WWOX: variants seen among roughly 807,000 people sequenced by gnomAD.
The protein encoded by WWOX is WW domain-containing oxidoreductase.
In WWOX, 69 loss-of-function variants were observed where a neutral mutation model predicts 46.2. That is an observed-to-expected ratio of 1.49 (90% CI 1.23 to 1.82). The LOEUF (loss-of-function observed/expected upper bound fraction) is 1.82, where lower values mean the gene tolerates loss of function less well. WWOX is among the 40% of genes most tolerant of loss of function. The probability of loss-of-function intolerance (pLI) is 0.00; values close to 1 mark genes in which losing one functional copy is unlikely to be tolerated. For missense variants in WWOX, 919 were observed against 542.6 expected (o/e 1.69, Z -6.89); for synonymous variants, 359 against 202.6 (o/e 1.77, Z -6.56).
intron 8 of WWOX, among the ~76,000 whole-genome samples, chr16:78,964,191 C>T (rs1357475710): frequency 6.6e-6 from 1 of 152,120 alleles, no homozygotes; most frequent in Non-Finnish European, 1.5e-5. Flanking sequence ...GACTTTGGAA[C>T]TGGGTAACAG....
At chr16:78,669,705 A>T (rs1345329482) in intron 8 of WWOX, among the ~76,000 whole-genome samples, 1 of 152,246 alleles carries the variant, frequency 6.6e-6, no homozygotes, top group Non-Finnish European at 1.5e-5. Context: ...AAAACTAGTT[A>T]CAGTTCATTG....
At chr16:78,624,378 C>G (rs1342862432) in intron 8 of WWOX, among the ~76,000 whole-genome samples, 2 of 152,078 alleles carry the variant, frequency 1.3e-5, no homozygotes, top group Non-Finnish European at 2.9e-5. Flanking sequence ...TTTATTGTCA[C>G]CTCTGAAACA....
intron 8 of WWOX, among the ~76,000 whole-genome samples, chr16:79,067,234 C>T (rs187347743): frequency 1.3e-5 from 2 of 152,120 alleles, no homozygotes; most frequent in East Asian, 3.9e-4. Flanking sequence ...CTATCGAGAA[C>T]GATTGCTTTA....
intron 8 of WWOX, among the ~76,000 whole-genome samples, chr16:78,564,713 G>A (rs1330452239): frequency 5.3e-5 from 8 of 152,182 alleles, no homozygotes; most frequent in Non-Finnish European, 7.3e-5. Context: ...CCTGGCTCCA[G>A]TAAAGTCATA....
intron 5 of WWOX, among the ~76,000 whole-genome samples, chr16:78,383,050 A>G (rs913385262): frequency 6.6e-6 from 1 of 150,658 alleles, no homozygotes; most frequent in Non-Finnish European, 1.5e-5. Context: ...GTAAACAAGC[A>G]GATCTTAGGC....
intron 8 of WWOX, among the ~76,000 whole-genome samples, chr16:78,944,279 C>G (rs7189340): frequency 0.13 from 19,646 of 152,082 alleles, 2,316 homozygotes; most frequent in African/African-American, 0.31. Context: ...TTATCAGCAT[C>G]TACATCTTTC....
chr16:78,590,552 T>C lies in WWOX; in HGVS notation c.1056+157800T>C, dbSNP rs577368758. Among the ~76,000 whole-genome samples, 7 of 152,350 alleles carry C rather than the reference T, an allele frequency of 4.6e-5. No individual in the cohort carries two copies. In the East Asian group the frequency reaches 1.4e-3, roughly 29 times the overall value. The stretch of plus-strand genomic sequence containing the variant: ...AGAAACATTGAAAACACAAAGTGTA[T>C]TTCTTGATACTTGTTAACACTAGGT... On this transcript the variant is annotated intron_variant, in intron 8 of 8. Transcript: ENST00000566780.
intron 8 of WWOX, among the ~76,000 whole-genome samples, chr16:79,093,994 A>T (rs2049017361): frequency 6.6e-6 from 1 of 152,320 alleles, no homozygotes; most frequent in Non-Finnish European, 1.5e-5. Flanking sequence ...ATGCTAGGGA[A>T]TGAACGAATA....
At chr16:78,971,549 T>C (rs1027004173) in intron 8 of WWOX, among the ~76,000 whole-genome samples, 9 of 151,698 alleles carry the variant, frequency 5.9e-5, no homozygotes, top group African/African-American at 2.2e-4. Context: ...AGCACTCTAA[T>C]GGATCCCTGA....
At chr16:79,037,453 A>C (rs1375348984) in intron 8 of WWOX, among the ~76,000 whole-genome samples, 1 of 152,158 alleles carries the variant, frequency 6.6e-6, no homozygotes, top group Admixed American at 6.5e-5. Context: ...GGTTCGTTAC[A>C]TCAAGTTGTG....
At chr16:78,804,906 T>A (rs2050989358) in intron 8 of WWOX, among the ~76,000 whole-genome samples, 1 of 152,218 alleles carries the variant, frequency 6.6e-6, no homozygotes, top group Admixed American at 6.5e-5. Flanking sequence ...GTAATCTAAA[T>A]TTCCTCCAAA....
chr16:78,491,084 G>A (rs925332742), intron 8 of WWOX, among the ~76,000 whole-genome samples: 2 of 152,264 alleles, frequency 1.3e-5, no homozygotes, highest in African/African-American at 2.4e-5. Flanking sequence ...ATCTGTGCCA[G>A]CTGTGCCCTC....
At chr16:78,585,949 C>T (rs1489197159) in intron 8 of WWOX, among the ~76,000 whole-genome samples, 1 of 152,044 alleles carries the variant, frequency 6.6e-6, no homozygotes, top group Non-Finnish European at 1.5e-5. Context: ...ATAATCCCAG[C>T]AGTTTTGGAG....
At position 79,211,552 on chromosome 16, in the gene WWOX, C is replaced by T. The variant is rs1336650484; in HGVS notation, c.1057-56C>T. The T allele has an allele frequency of 5.0e-6, 8 of 1,610,646 alleles. No individual in the cohort carries two copies. The African/African-American group carries it at 5.3e-5, about 11-fold the overall frequency. On this transcript the variant is annotated intron_variant, in intron 8 of 8. Coordinates refer to ENST00000566780, the MANE Select transcript of WWOX (RefSeq NM_016373.4). ...AATGCCCAGGCAGTCGAAATGACGC[C>T]ATCTCATCACTCCTTTTCTTAAAAT...
intron 4 of WWOX, chr16:78,119,171 A>T (rs548403796): frequency 1.3e-5 from 2 of 152,370 alleles, no homozygotes; most frequent in African/African-American, 4.8e-5. Flanking sequence ...CTGAGCAGGA[A>T]GGGCCAGGTG....
intron 5 of WWOX, among the ~76,000 whole-genome samples, chr16:78,257,100 G>T (rs2038152531): frequency 6.6e-6 from 1 of 151,972 alleles, no homozygotes; most frequent in South Asian, 2.1e-4. Context: ...CCACATACAG[G>T]CTCGTGGCGT....
chr16:78,424,087 TTTTTC>T lies in WWOX; in HGVS notation c.606-763_606-759del, dbSNP rs139515737. ...TTGTTTTGTTTTTTCTTTTTCTTTG[TTTTTC>T]TTTTCTTTTCTTTTCTTTTTTTTTT... On this transcript the variant is annotated intron_variant, in intron 6 of 8. Transcript: ENST00000566780. Among the ~76,000 whole-genome samples, 606 of 140,242 alleles carry T rather than the reference TTTTTC, an allele frequency of 4.3e-3. 5 individuals carry two copies. The highest frequency in any genetic ancestry group is 0.014 in the African/African-American group (532 of 37,840). 92.0% of individuals were successfully genotyped at this position (140,242 alleles called of 152,430 possible).
intron 8 of WWOX, among the ~76,000 whole-genome samples, chr16:78,479,393 G>C (rs893087138): frequency 5.9e-5 from 9 of 152,228 alleles, no homozygotes; most frequent in African/African-American, 1.9e-4. Context: ...GTTGGGTTTA[G>C]AGAATGCTTT....
At chr16:78,938,543 C>G (rs766833002) in intron 8 of WWOX, among the ~76,000 whole-genome samples, 2 of 152,040 alleles carry the variant, frequency 1.3e-5, no homozygotes, top group African/African-American at 4.8e-5. Context: ...GTATTAGCAA[C>G]TGGCAACAGT....
Sources: gnomAD v4.1 joint callset for allele counts (sites outside exome capture counted in the v4.1 genomes callset) on GRCh38, gnomAD v4.1.1 for gene constraint, MANE v1.5 for transcripts, NCBI Gene and HGNC (gene_info 2026-07-23, HGNC 2026-07-21) for gene names.